Variants in LPP observed in about 807,000 individuals in gnomAD.
LPP encodes the protein lipoma-preferred partner.
In LPP, 38 loss-of-function variants were observed where a neutral mutation model predicts 60.4. The observed-to-expected ratio is 0.63, with a 90% CI of 0.49 to 0.83. The LOEUF is 0.83. Ranked by LOEUF, LPP falls within the 40% of genes least tolerant of loss-of-function variation. LPP has a pLI of 0.00. For synonymous variants in LPP, 328 were observed against 290.8 expected (o/e 1.13, Z -1.30); for missense variants, 902 against 783.6 (o/e 1.15, Z -1.80).
chr3:188,318,977 C>G (rs1452414686), intron 2 of LPP, among the ~76,000 whole-genome samples: 4 of 151,684 alleles, frequency 2.6e-5, no homozygotes, highest in African/African-American at 9.7e-5. Context: ...CCGGGATGGT[C>G]TCGATCTCCT....
chr3:188,777,182 G>T (rs1372298385), intron 9 of LPP, among the ~76,000 whole-genome samples: 1 of 152,086 alleles, frequency 6.6e-6, no homozygotes, highest in Non-Finnish European at 1.5e-5. Context: ...TACAAGGCAA[G>T]TGTTATTTCT....
intron 3 of LPP, among the ~76,000 whole-genome samples, chr3:188,372,472 G>A (rs1773567181): frequency 6.6e-6 from 1 of 151,984 alleles, no homozygotes; most frequent in Non-Finnish European, 1.5e-5. Context: ...CTTCCTACTG[G>A]AATCTGAATC....
At chr3:188,548,267 G>A (rs138710903) in intron 6 of LPP, among the ~76,000 whole-genome samples, 3 of 152,040 alleles carry the variant, frequency 2.0e-5, no homozygotes, top group Non-Finnish European at 4.4e-5. Context: ...CTTGTGCCAC[G>A]GTTTCCATTC....
chr3:188,731,920 T>G (rs1332991438), intron 8 of LPP, among the ~76,000 whole-genome samples: 1 of 152,058 alleles, frequency 6.6e-6, no homozygotes, highest in African/African-American at 2.4e-5. Context: ...TTCTTTTCAT[T>G]TACAGAGAAA....
intron 2 of LPP, among the ~76,000 whole-genome samples, chr3:188,272,866 G>A (rs1408049966): frequency 6.6e-6 from 1 of 152,146 alleles, no homozygotes. Context: ...TGTGACATAG[G>A]CGTATAAGGG....
At chr3:188,678,640 A>G (rs957640504) in intron 7 of LPP, among the ~76,000 whole-genome samples, 11 of 152,196 alleles carry the variant, frequency 7.2e-5, no homozygotes, top group Admixed American at 5.9e-4. Flanking sequence ...ACATACATAC[A>G]TAAGTAATAC....
At chr3:188,459,124 A>T (rs1011110843) in intron 4 of LPP, among the ~76,000 whole-genome samples, 8 of 152,168 alleles carry the variant, frequency 5.3e-5, no homozygotes, top group Non-Finnish European at 1.2e-4. Context: ...GTTTTAATTT[A>T]AAAAATACTG....
At chr3:188,306,226 G>A (rs1226142060) in intron 2 of LPP, among the ~76,000 whole-genome samples, 2 of 151,170 alleles carry the variant, frequency 1.3e-5, no homozygotes, top group Admixed American at 6.6e-5. Flanking sequence ...GATTGCAGGT[G>A]TGCACCACCA....
At chr3:188,497,183 A>G (rs1369892218) in intron 5 of LPP, among the ~76,000 whole-genome samples, 1 of 152,082 alleles carries the variant, frequency 6.6e-6, no homozygotes, top group Non-Finnish European at 1.5e-5. Context: ...GGATTAAAGG[A>G]GTGTGAATCT....
At chr3:188,522,263 A>T (rs1819075849) in intron 5 of LPP, among the ~76,000 whole-genome samples, 1 of 152,200 alleles carries the variant, frequency 6.6e-6, no homozygotes. Context: ...GTTGAAGAAA[A>T]TCTATCAATT....
chr3:188,627,607 A>G (rs546511076), intron 7 of LPP, among the ~76,000 whole-genome samples: 1 of 152,316 alleles, frequency 6.6e-6, no homozygotes, highest in Non-Finnish European at 1.5e-5. Context: ...AGTTCTAAGT[A>G]TGTATGCACC....
chr3:188,800,865 T>A (rs938352659), intron 9 of LPP, among the ~76,000 whole-genome samples: 3 of 152,166 alleles, frequency 2.0e-5, no homozygotes, highest in Non-Finnish European at 2.9e-5. Context: ...AGGTTTTTTG[T>A]TTTGTTTTGT....
intron 1 of LPP, among the ~76,000 whole-genome samples, chr3:188,202,501 C>G (rs188023526): frequency 1.3e-5 from 2 of 152,198 alleles, no homozygotes; most frequent in African/African-American, 4.8e-5. Context: ...CAGACTGTGT[C>G]GTCTGCATCA....
chr3:188,774,793 A>T (rs1236917224), intron 9 of LPP, among the ~76,000 whole-genome samples: 1 of 152,104 alleles, frequency 6.6e-6, no homozygotes, highest in African/African-American at 2.4e-5. Context: ...GTCTTTTCTT[A>T]TAAGGTCACT....
intron 1 of LPP, among the ~76,000 whole-genome samples, chr3:188,176,895 G>A (rs765696982): frequency 1.3e-5 from 2 of 152,230 alleles, no homozygotes; most frequent in Non-Finnish European, 2.9e-5. Context: ...TTAGAATTGG[G>A]AGAGCTGGGT....
chr3:188,687,010 G>T (rs1860893441), intron 7 of LPP, among the ~76,000 whole-genome samples: 1 of 152,214 alleles, frequency 6.6e-6, no homozygotes, highest in South Asian at 2.1e-4. Context: ...AAATATTTGT[G>T]CTGACTGAGG....
intron 7 of LPP, among the ~76,000 whole-genome samples, chr3:188,692,156 C>T (rs1030740765): frequency 5.9e-5 from 9 of 152,158 alleles, no homozygotes; most frequent in African/African-American, 9.7e-5. Context: ...ACCACAGCCA[C>T]GTTGATCCTC....
At chr3:188,640,014 C>A (rs1408967582) in intron 7 of LPP, among the ~76,000 whole-genome samples, 1 of 152,120 alleles carries the variant, frequency 6.6e-6, no homozygotes, top group African/African-American at 2.4e-5. Flanking sequence ...CATCCCATTA[C>A]TGGGTATATA....
chr3:188,683,664 A>G (rs549663927), intron 7 of LPP, among the ~76,000 whole-genome samples: 1 of 151,976 alleles, frequency 6.6e-6, no homozygotes, highest in African/African-American at 2.4e-5. Flanking sequence ...ATGAAGGAAG[A>G]CCCCTTGTAA....
Sources: gnomAD v4.1 joint callset for allele counts (sites outside exome capture counted in the v4.1 genomes callset) on GRCh38, gnomAD v4.1.1 for gene constraint, MANE v1.5 for transcripts, NCBI Gene and HGNC (gene_info 2026-07-23, HGNC 2026-07-21) for gene names.